The following RALYL variants were observed in gnomAD, a reference collection of about 807,000 sequenced individuals.
RALYL encodes the protein RNA-binding Raly-like protein.
Under a neutral mutation model 35.1 loss-of-function variants are expected in RALYL, and 29 were observed. The ratio of observed to expected loss-of-function variants is 0.83; its 90% CI spans 0.61 to 1.13. RALYL has a LOEUF of 1.13. Ranked by LOEUF, RALYL falls within the 50% of genes most tolerant of loss-of-function variation. The pLI, the probability that RALYL is intolerant of heterozygous loss-of-function variation, is 0.00. For synonymous variants in RALYL, 120 were observed against 127.6 expected (o/e 0.94, Z 0.40); for missense variants, 359 against 360.4 (o/e 1.00, Z 0.03).
intron 1 of RALYL, among the ~76,000 whole-genome samples, chr8:84,493,715 C>G (rs745868545): frequency 3.3e-5 from 5 of 152,022 alleles, no homozygotes; most frequent in Non-Finnish European, 5.9e-5. Context: ...ACATAAATGT[C>G]TTCTTTTGAG....
intron 2 of RALYL, among the ~76,000 whole-genome samples, chr8:84,766,180 C>G (rs1186331045): frequency 6.6e-6 from 1 of 152,024 alleles, no homozygotes; most frequent in African/African-American, 2.4e-5. Flanking sequence ...GTCAGGGTAT[C>G]TCATAAAGCA....
At chr8:84,618,930 C>T (rs1352027102) in intron 2 of RALYL, among the ~76,000 whole-genome samples, 2 of 126,466 alleles carry the variant, frequency 1.6e-5, no homozygotes, top group Non-Finnish European at 3.3e-5. Flanking sequence ...ATCCTGAGTT[C>T]TAGTTTGATT....
intron 1 of RALYL, among the ~76,000 whole-genome samples, chr8:84,456,543 A>G (rs1439061260): frequency 6.6e-6 from 1 of 151,772 alleles, no homozygotes; most frequent in African/African-American, 2.4e-5. Context: ...GCTTCTAAAG[A>G]AAAAAAAAGG....
chr8:84,732,581 C>T (rs1409551378), intron 2 of RALYL, among the ~76,000 whole-genome samples: 1 of 150,770 alleles, frequency 6.6e-6, no homozygotes, highest in African/African-American at 2.4e-5. Flanking sequence ...ATATAAAATA[C>T]ATTTTAATGT....
chr8:84,417,709 G>T (rs539506515), intron 1 of RALYL, among the ~76,000 whole-genome samples: 1 of 151,940 alleles, frequency 6.6e-6, no homozygotes, highest in Non-Finnish European at 1.5e-5. Flanking sequence ...ATATCCTAGT[G>T]TTATATCAGG....
chr8:84,754,731 T>C (rs966549667), intron 2 of RALYL, among the ~76,000 whole-genome samples: 2 of 152,160 alleles, frequency 1.3e-5, no homozygotes, highest in Non-Finnish European at 2.9e-5. Context: ...CCTCCTCTTT[T>C]ACTGAATGGG....
chr8:84,211,102 CA>C (rs1563538889), intron 1 of RALYL, among the ~76,000 whole-genome samples: 1 of 152,070 alleles, frequency 6.6e-6, no homozygotes, highest in Non-Finnish European at 1.5e-5. Context: ...CCTGAAAGAT[CA>C]GTGTGATCCC....
intron 2 of RALYL, among the ~76,000 whole-genome samples, chr8:84,630,838 T>G (rs1165694729): frequency 6.6e-6 from 1 of 151,960 alleles, no homozygotes; most frequent in Non-Finnish European, 1.5e-5. Flanking sequence ...AACCAATTCA[T>G]CTGCATTTTC....
intron 1 of RALYL, among the ~76,000 whole-genome samples, chr8:84,445,308 G>A (rs2048735248): frequency 6.6e-6 from 1 of 151,924 alleles, no homozygotes; most frequent in Non-Finnish European, 1.5e-5. Context: ...ATAAATTACA[G>A]GAAGTTACAT....
chr8:84,815,683 C>CAGAT (rs1827070600), intron 4 of RALYL, among the ~76,000 whole-genome samples: 2 of 151,862 alleles, frequency 1.3e-5, no homozygotes, highest in African/African-American at 4.8e-5. Flanking sequence ...AATGCTGCAT[C>CAGAT]AGATATACTC....
At chr8:84,842,731 C>A (rs953817546) in intron 4 of RALYL, among the ~76,000 whole-genome samples, 1 of 152,174 alleles carries the variant, frequency 6.6e-6, no homozygotes, top group East Asian at 1.9e-4. Flanking sequence ...AAAATACTGA[C>A]AAACCGAATC....
intron 1 of RALYL, among the ~76,000 whole-genome samples, chr8:84,425,209 G>A (rs1563905829): frequency 6.6e-6 from 1 of 152,108 alleles, no homozygotes; most frequent in Admixed American, 6.6e-5. Flanking sequence ...GAGATTCCGT[G>A]GGCATAGGAC....
chr8:84,466,980 G>C (rs943044412), intron 1 of RALYL, among the ~76,000 whole-genome samples: 1 of 152,110 alleles, frequency 6.6e-6, no homozygotes, highest in Non-Finnish European at 1.5e-5. Flanking sequence ...TGTGGGATCG[G>C]TGGTGATATC....
intron 2 of RALYL, among the ~76,000 whole-genome samples, chr8:84,716,717 A>G (rs1842991736): frequency 6.6e-6 from 1 of 152,192 alleles, no homozygotes; most frequent in African/African-American, 2.4e-5. Flanking sequence ...CCAGACAGAA[A>G]TATTTTGCAT....
chr8:84,678,257 T>C (rs1235231376), intron 2 of RALYL, among the ~76,000 whole-genome samples: 3 of 145,630 alleles, frequency 2.1e-5, no homozygotes, highest in Non-Finnish European at 2.9e-5. Context: ...TTTTTTGTTG[T>C]TTTTTTGTTT....
At chr8:84,877,329 A>G (rs962951518) in intron 7 of RALYL, among the ~76,000 whole-genome samples, 2 of 152,050 alleles carry the variant, frequency 1.3e-5, no homozygotes, top group African/African-American at 4.8e-5. Flanking sequence ...TCTACGAAAA[A>G]TACAAAAATT....
At chr8:84,721,818 A>G (rs967094789) in intron 2 of RALYL, among the ~76,000 whole-genome samples, 1 of 152,162 alleles carries the variant, frequency 6.6e-6, no homozygotes, top group South Asian at 2.1e-4. Flanking sequence ...CTACTTTAAA[A>G]TTTGGGGATA....
chr8:84,495,987 T>C (rs1309108389), intron 1 of RALYL, among the ~76,000 whole-genome samples: 1 of 152,130 alleles, frequency 6.6e-6, no homozygotes, highest in Non-Finnish European at 1.5e-5. Flanking sequence ...TTGTCTTTTA[T>C]TTGTAAAATA....
intron 1 of RALYL, among the ~76,000 whole-genome samples, chr8:84,488,912 A>C (rs1227305997): frequency 6.6e-6 from 1 of 152,076 alleles, no homozygotes; most frequent in East Asian, 1.9e-4. Flanking sequence ...GAGCTGCCAA[A>C]ATATTTTAAA....
Sources: gnomAD v4.1 joint callset for allele counts (sites outside exome capture counted in the v4.1 genomes callset) on GRCh38, gnomAD v4.1.1 for gene constraint, MANE v1.5 for transcripts, NCBI Gene and HGNC (gene_info 2026-07-23, HGNC 2026-07-21) for gene names.